NUTM2G: variants seen among roughly 807,000 people sequenced by gnomAD.
NUTM2G encodes NUT family member 2G.
A neutral mutation model predicts 44.3 loss-of-function variants in NUTM2G; 29 were observed. The observed-to-expected ratio is 0.66, with a 90% CI of 0.49 to 0.89. NUTM2G has a LOEUF of 0.89. Among genes scored for constraint, NUTM2G ranks in the 40% least tolerant of loss-of-function variants. The pLI is 0.00. For synonymous variants in NUTM2G, 205 were observed against 395.9 expected (o/e 0.52, Z 5.72); for missense variants, 502 against 946.5 (o/e 0.53, Z 6.16).
In NUTM2G at chr9:96,931,554, C is replaced by T. The variant is rs563316252; in HGVS notation, c.17-168C>T. On this transcript the variant is annotated intron_variant, in intron 1 of 6. Transcript: ENST00000372322. ...ACTGGCGCCAGGCTCTCTAGTGGAGCGACTCTGCCGTGGAGGAACAGAGCA... is the reference window on the plus strand; with the variant it reads ...ACTGGCGCCAGGCTCTCTAGTGGAGTGACTCTGCCGTGGAGGAACAGAGCA... Among the ~76,000 whole-genome samples the T allele has an allele frequency of 5.9e-5, 9 of 151,530 alleles. No homozygotes were observed. The East Asian group carries it at 1.4e-3, about 23-fold the overall frequency.
chr9:96,936,916 C>T, intron 4 of NUTM2G, 148 bp from the exon 5 acceptor site: 2 of 1,347,246 alleles, frequency 1.5e-6, no homozygotes, highest in Non-Finnish European at 2.0e-6. Context: ...TGTGCCCCTC[C>T]TGCGGCGTCT....
downstream of NUTM2G, among the ~76,000 whole-genome samples, chr9:96,940,607 T>C (rs1462494450): frequency 1.3e-5 from 2 of 151,550 alleles, no homozygotes; most frequent in Non-Finnish European, 2.9e-5. Flanking sequence ...AGGGCCCTTG[T>C]TGGCTCAGGA....
In NUTM2G at chr9:96,936,486, C is replaced by G. The variant is rs773433483; in HGVS notation, c.904C>G (p.Pro302Ala). 7 of 1,558,648 alleles carry G rather than the reference C, an allele frequency of 4.5e-6. No homozygotes were observed. Among genetic ancestry groups the G allele is most frequent in the Non-Finnish European group, 6.0e-6 (7 of 1,159,968 alleles). The change falls in exon 4 of 7, where the codon CCC becomes GCC. Residue 302 changes from proline to alanine, a missense_variant. Coordinates refer to ENST00000372322, the MANE Select transcript of NUTM2G (RefSeq NM_001170741.3). ...QIQKSQWMKG[P>A]QSLPPPAPPR... ...TCAGAAATCGCAGTGGATGAAGGGG[C>G]CCCAGAGCCTGCCTCCTCCAGCCCC...
At chr9:96,934,888 C>T (rs1354257347) in intron 2 of NUTM2G, among the ~76,000 whole-genome samples, 1 of 151,876 alleles carries the variant, frequency 6.6e-6, no homozygotes, top group Non-Finnish European at 1.5e-5. Flanking sequence ...AGAGAGCTGC[C>T]TCTGGCTGTG....
rs1308483605 is a variant in NUTM2G, at chr9:96,931,806, C to T, written c.101C>T (p.Ser34Phe). The T allele has an allele frequency of 1.2e-5, 20 of 1,611,912 alleles. No homozygotes were observed. The highest frequency in any genetic ancestry group is 1.6e-5 in the Non-Finnish European group (19 of 1,179,870). The stretch of plus-strand genomic sequence containing the variant: ...ACGGCTCTGCCCTTTGCCACACCCT[C>T]TCCCGGCCCAACACACAGGCCGCCC... ...VFTALPFATPSPGPTHRPPLV... is the reference protein window; with the variant it reads ...VFTALPFATPFPGPTHRPPLV... The change falls in exon 2 of 7, where the codon TCT (serine) becomes TTT (phenylalanine). Residue 34 changes from serine to phenylalanine, a missense_variant. Transcript: ENST00000372322.
chr9:96,929,028 G>C lies in NUTM2G; in HGVS notation c.4G>C (p.Ala2Pro). Reference sequence around the variant, plus strand: ...GGTCAGTGCCCAGCCTGAGGGGATGGCTTCAAATGGAGGTGAGCCTGTAGG... The same window carrying C: ...GGTCAGTGCCCAGCCTGAGGGGATGCCTTCAAATGGAGGTGAGCCTGTAGG... M[A>P]SNGAYPVLGP... The change falls in exon 1 of 7, where the codon GCT (alanine) becomes CCT (proline). Residue 2 changes from alanine (A) to proline (P), a missense_variant. Physicochemically the swap from Ala to Pro is conservative, Grantham distance 27. Coordinates refer to ENST00000372322, the MANE Select transcript of NUTM2G (RefSeq NM_001170741.3). The C allele has an allele frequency of 6.2e-7, 1 of 1,610,648 alleles. No individual in the cohort carries two copies. The highest frequency in any genetic ancestry group is 1.1e-5 in the South Asian group (1 of 90,750).
At chr9:96,930,871 GGTTTTTTTTTTTTTTTTTTT>G (rs1564030362) in intron 1 of NUTM2G, among the ~76,000 whole-genome samples, 1 of 104,404 alleles carries the variant, frequency 9.6e-6, no homozygotes, top group African/African-American at 3.7e-5. Context: ...TCCATCCAGT[GGTTTTTTTTTTTTTTTTTTT>G]TTTTTTTTTT....
intron 1 of NUTM2G, among the ~76,000 whole-genome samples, chr9:96,930,059 A>T (rs1159328670): frequency 6.6e-6 from 1 of 152,266 alleles, no homozygotes; most frequent in Admixed American, 6.5e-5. Flanking sequence ...TAGAGACTGC[A>T]TGAGGTCCTA....
At position 96,930,009 on chromosome 9, in the gene NUTM2G, C is replaced by A. The variant is rs897180515; in HGVS notation, c.16+969C>A. On this transcript the variant is annotated intron_variant, in intron 1 of 6. Coordinates refer to ENST00000372322, the MANE Select transcript of NUTM2G (RefSeq NM_001170741.3). Reference sequence around the variant, plus strand: ...ATTCAAACTAGGATGTGTGTCCTGACTGATGAGGTGCATGCGCTGTATCCC... The same window carrying A: ...ATTCAAACTAGGATGTGTGTCCTGAATGATGAGGTGCATGCGCTGTATCCC... 3.9e-5 allele frequency among the ~76,000 whole-genome samples: 6 copies of A among 152,384 alleles called. No homozygotes were observed. In the South Asian group the frequency reaches 6.2e-4, roughly 16 times the overall value.
intron 2 of NUTM2G, among the ~76,000 whole-genome samples, chr9:96,934,884 C>A (rs1328128000): frequency 1.3e-5 from 2 of 151,900 alleles, no homozygotes; most frequent in Non-Finnish European, 2.9e-5. Context: ...CTGGAGAGAG[C>A]TGCCTCTGGC....
In NUTM2G at chr9:96,931,945, C is replaced by T. The variant is rs754218982; in HGVS notation, c.240C>T (p.Asn80=). 25 of 1,611,830 alleles carry T rather than the reference C, an allele frequency of 1.6e-5. No homozygotes were observed. The highest frequency in any genetic ancestry group is 1.1e-4 in the East Asian group (5 of 44,882). Residue 80 remains asparagine (N), a synonymous_variant, in exon 2 of 7, where the codon AAC becomes AAT. Coordinates refer to ENST00000372322, the MANE Select transcript of NUTM2G (RefSeq NM_001170741.3). ...GRGPSGAGAS[N]VFVQMRTEVG... is the part of the protein sequence containing the mutation. The stretch of plus-strand genomic sequence containing the variant: ...GCCCAAGTGGGGCTGGGGCTTCCAA[C>T]GTCTTTGTCCAGATGAGGACAGAAG...
At chr9:96,929,160 C>T (rs1167905280) in intron 1 of NUTM2G, 120 bp downstream of exon 1, 2 of 1,539,050 alleles carry the variant, frequency 1.3e-6, no homozygotes, top group East Asian at 2.2e-5. Flanking sequence ...CACTGGATGT[C>T]CCCAAGGACA....
chr9:96,934,637 A>G (rs867704455), intron 2 of NUTM2G, among the ~76,000 whole-genome samples: 4 of 151,894 alleles, frequency 2.6e-5, no homozygotes, highest in African/African-American at 9.7e-5. Context: ...GCCTTGCTCC[A>G]GAGTCCCCAG....
Position 96,932,970 on chromosome 9 carries a change from TTTC to T in NUTM2G, c.713+555_713+557del, listed in dbSNP as rs1307453746. Among the ~76,000 whole-genome samples, 85 of 148,902 alleles carry T rather than the reference TTTC, an allele frequency of 5.7e-4. No individual in the cohort carries two copies. The East Asian group carries it at 7.5e-3, about 13-fold the overall frequency. On this transcript the variant is annotated intron_variant, in intron 2 of 6. Transcript: ENST00000372322. Reference sequence around the variant, plus strand: ...CGCCCCAATACTTACTTTCTTTTCTTTTCTTTTCTTTTTTTTTTTTTTTTTGAG... The same window carrying T: ...CGCCCCAATACTTACTTTCTTTTCTTTTTTCTTTTTTTTTTTTTTTTTGAG...
At chr9:96,940,582 T>C (rs1826567574), downstream of NUTM2G, among the ~76,000 whole-genome samples, 1 of 150,556 alleles carries the variant, frequency 6.6e-6, no homozygotes, top group Non-Finnish European at 1.5e-5. Context: ...ACAGTCTGAG[T>C]TCTGATTCCT....
intron 2 of NUTM2G, among the ~76,000 whole-genome samples, chr9:96,934,340 C>T (rs1826362138): frequency 6.6e-6 from 1 of 152,226 alleles, no homozygotes. Context: ...AGTCCCCTGC[C>T]TGGGGTGTAG....
At chr9:96,936,901 T>C (rs1164910388) in intron 4 of NUTM2G, among the ~76,000 whole-genome samples, 163 bp from the exon 5 acceptor site, 3 of 152,186 alleles carry the variant, frequency 2.0e-5, no homozygotes, top group Non-Finnish European at 4.4e-5. Flanking sequence ...CGATGCTGTC[T>C]CAGATGTGCC....
At chr9:96,930,799 T>C (rs903129555) in intron 1 of NUTM2G, among the ~76,000 whole-genome samples, 2 of 148,354 alleles carry the variant, frequency 1.3e-5, no homozygotes, top group African/African-American at 5.0e-5. Context: ...ATCACTTGCA[T>C]GCTGGGCGTT....
rs1461960385 is a variant in NUTM2G at position 96,937,674 on chromosome 9, CTGTG to C, written c.1324-207_1324-204del. Among the ~76,000 whole-genome samples, 4 of 150,046 alleles carry C rather than the reference CTGTG, an allele frequency of 2.7e-5. No individual in the cohort carries two copies. In the South Asian group the frequency reaches 6.3e-4, roughly 24 times the overall value. On this transcript the variant is annotated intron_variant, in intron 5 of 6. Transcript: ENST00000372322. Reference sequence around the variant, plus strand: ...GTCTTTTCCTGTGTTGTACATGGGTCTGTGTGTCTGTGTGTGGTTTGTGTGTCTC... The same window carrying C: ...GTCTTTTCCTGTGTTGTACATGGGTCTGTCTGTGTGTGGTTTGTGTGTCTC...
Sources: allele counts gnomAD v4.1 joint callset (sites outside exome capture counted in the v4.1 genomes callset), GRCh38; gene constraint gnomAD v4.1.1; transcripts MANE v1.5; gene names NCBI Gene and HGNC (gene_info 2026-07-23, HGNC 2026-07-21).